Variants in CFAP70 observed in about 807,000 individuals in gnomAD.
CFAP70 encodes cilia and flagella associated protein 70.
In CFAP70, 81 loss-of-function variants were observed where a neutral mutation model predicts 137.6. That is an observed-to-expected ratio of 0.59 (90% confidence interval 0.49 to 0.71). The LOEUF (loss-of-function observed/expected upper bound fraction) is 0.71. Among genes scored for constraint, CFAP70 ranks in the 30% least tolerant of loss-of-function variants. The pLI is 0.00. For synonymous variants in CFAP70, 382 were observed against 423.6 expected (o/e 0.90, Z 1.20); for missense variants, 976 against 1,226.7 (o/e 0.80, Z 3.05).
chr10:73,351,059 GTGTGTGTGTGTGTATA>G (rs2054184874), intron 3 of CFAP70, among the ~76,000 whole-genome samples: 1 of 54,338 alleles, frequency 1.8e-5, no homozygotes, highest in African/African-American at 1.0e-4. Flanking sequence ...GTGTGTGTGT[GTGTGTGTGTGTGTATA>G]TATATATATA....
chr10:73,329,259 A>G (rs2051816431), intron 8 of CFAP70, among the ~76,000 whole-genome samples: 2 of 152,074 alleles, frequency 1.3e-5, no homozygotes, highest in African/African-American at 4.8e-5. Flanking sequence ...CAAACACCGC[A>G]TGTTCTCACT....
Position 73,264,867 on chromosome 10 carries a change from A to C in CFAP70, c.3027+4747T>G, listed in dbSNP as rs184150063. On this transcript the variant is annotated intron_variant, in intron 25 of 26. Coordinates refer to ENST00000310715, the Ensembl canonical transcript of CFAP70. Reference sequence around the variant, plus strand: ...TCTTGCTGATTTTCTTTTTTAAAAAATATACGAAACATTAGCATTGTCCCA... The same window carrying C: ...TCTTGCTGATTTTCTTTTTTAAAAACTATACGAAACATTAGCATTGTCCCA... Among the ~76,000 whole-genome samples, 985 of 152,318 alleles carry C rather than the reference A, an allele frequency of 6.5e-3. 5 individuals carry two copies. Among genetic ancestry groups the C allele is most frequent in the Non-Finnish European group, 0.012 (844 of 68,028 alleles).
At chr10:73,272,810 C>T (rs576917567) in intron 24 of CFAP70, 118 bp downstream of exon 25, 2 of 863,366 alleles carry the variant, frequency 2.3e-6, no homozygotes, top group Admixed American at 2.0e-5. Flanking sequence ...CTTTTCATTA[C>T]AGCAGACAGC....
At chr10:73,299,029 C>T in exon 14 of CFAP70, 1 of 1,613,968 alleles carries the variant, frequency 6.2e-7, no homozygotes, top group South Asian at 1.1e-5. Context: ...ACCTGTTTTC[C>T]AAACATTCTG....
intron 9 of CFAP70, among the ~76,000 whole-genome samples, chr10:73,321,787 T>C (rs1037823352): frequency 6.6e-6 from 1 of 152,020 alleles, no homozygotes; most frequent in Non-Finnish European, 1.5e-5. Context: ...TTCTTTTTCT[T>C]ATATATATAT....
intron 5 of CFAP70, among the ~76,000 whole-genome samples, chr10:73,342,736 CA>C (rs890979331): frequency 2.6e-5 from 4 of 151,652 alleles, no homozygotes; most frequent in African/African-American, 9.7e-5. Context: ...ATAGCAACAA[CA>C]AAAAAAGAGT....
At chr10:73,330,988 G>C (rs1564853644) in intron 8 of CFAP70, among the ~76,000 whole-genome samples, 189 bp downstream of exon 9, 1 of 152,118 alleles carries the variant, frequency 6.6e-6, no homozygotes, top group Non-Finnish European at 1.5e-5. Context: ...CCACGACAGA[G>C]GATTTTCCTG....
chr10:73,258,963 T>C (rs2133546873), intron 25 of CFAP70, among the ~76,000 whole-genome samples: 1 of 152,360 alleles, frequency 6.6e-6, no homozygotes, highest in African/African-American at 2.4e-5. Flanking sequence ...TCAGCAATTC[T>C]AATTTCGCCC....
At chr10:73,352,350 GT>G (rs1302092046) in intron 3 of CFAP70, among the ~76,000 whole-genome samples, 3 of 152,118 alleles carry the variant, frequency 2.0e-5, no homozygotes, top group Non-Finnish European at 4.4e-5. Flanking sequence ...GAGGGTGGGG[GT>G]TTTTTTCCTA....
chr10:73,264,894 A>AAGT (rs2133632753), intron 25 of CFAP70, among the ~76,000 whole-genome samples: 1 of 152,270 alleles, frequency 6.6e-6, no homozygotes, highest in East Asian at 1.9e-4. Context: ...ATTGTCCCAA[A>AAGT]AGTCAGAACT....
At chr10:73,268,684 G>A (rs201626017) in intron 25 of CFAP70, among the ~76,000 whole-genome samples, 15,761 of 150,002 alleles carry the variant, frequency 0.11, 1,166 homozygotes, top group East Asian at 0.3. Flanking sequence ...CTTTTTATTT[G>A]TTTTTCTTCT....
intron 12 of CFAP70, 78 bp from the exon 14 acceptor site, chr10:73,299,743 C>A (rs2048808280): frequency 1.7e-6 from 2 of 1,167,414 alleles, no homozygotes; most frequent in South Asian, 2.8e-5. Context: ...TTTATCTTAT[C>A]CTCAAAGTGT....
intron 21 of CFAP70, chr10:73,276,018 T>C (rs2046698395): frequency 6.5e-6 from 1 of 153,138 alleles, no homozygotes; most frequent in African/African-American, 2.4e-5. Flanking sequence ...ACTTGAAATC[T>C]TAGAAACATA....
chr10:73,357,843 T>G lies in CFAP70; in HGVS notation c.-40+871A>C, dbSNP rs190787748. Among the ~76,000 whole-genome samples the G allele has an allele frequency of 9.9e-4, 151 of 152,360 alleles. 2 individuals are homozygous for G. Among genetic ancestry groups the G allele is most frequent in the East Asian group, 3.5e-3 (18 of 5,186 alleles). ...ATCCTTTAAAATCCAGCTCAAATGC[T>G]TCCTAGTCCATGAAGCTTCCCAGTC... On this transcript the variant is annotated intron_variant, in intron 1 of 26. Coordinates refer to ENST00000310715, the Ensembl canonical transcript of CFAP70.
At chr10:73,264,998 T>G (rs2045616543) in intron 25 of CFAP70, among the ~76,000 whole-genome samples, 2 of 152,314 alleles carry the variant, frequency 1.3e-5, no homozygotes, top group Non-Finnish European at 2.9e-5. Flanking sequence ...CTCATTAATC[T>G]CGGTTTATCC....
chr10:73,316,494 A>C (rs2050380870), intron 9 of CFAP70, among the ~76,000 whole-genome samples: 4 of 132,146 alleles, frequency 3.0e-5, no homozygotes, highest in Middle Eastern at 4.0e-3. Context: ...ATAGATATAT[A>C]TATATATATA....
intron 19 of CFAP70, chr10:73,278,945 C>A (rs1267774862): frequency 6.8e-6 from 1 of 146,936 alleles, no homozygotes; most frequent in Non-Finnish European, 1.5e-5. Flanking sequence ...CACGTCACTG[C>A]ACTCCAGCCT....
At chr10:73,334,858 G>T (rs1196941666) in intron 7 of CFAP70, among the ~76,000 whole-genome samples, 1 of 149,296 alleles carries the variant, frequency 6.7e-6, no homozygotes, top group Non-Finnish European at 1.5e-5. Flanking sequence ...GATTACAGTT[G>T]TGAGCCATTG....
exon 13 of CFAP70, chr10:73,299,660 T>C (rs1402390770): frequency 1.9e-6 from 3 of 1,612,160 alleles, no homozygotes; most frequent in South Asian, 1.1e-5. Context: ...AATCATTTCC[T>C]TGACCCTGTA....
Sources: gnomAD v4.1 joint callset for allele counts (sites outside exome capture counted in the v4.1 genomes callset) on GRCh38, gnomAD v4.1.1 for gene constraint, MANE v1.5 for transcripts, NCBI Gene and HGNC (gene_info 2026-07-23, HGNC 2026-07-21) for gene names.